The following SLF1 variants were observed in gnomAD, a reference collection of about 807,000 sequenced individuals.
SLF1 encodes the protein SMC5-SMC6 complex localization factor protein 1.
A neutral mutation model predicts 123.0 loss-of-function variants in SLF1; 105 were observed. The ratio of observed to expected loss-of-function variants is 0.85; its 90% CI spans 0.73 to 1.00. The LOEUF (loss-of-function observed/expected upper bound fraction) is 1.00, where lower values mean the gene tolerates loss of function less well. SLF1 is among the 50% of genes least tolerant of loss of function. The pLI is 0.00. For missense variants in SLF1, 1,239 were observed against 1,223.0 expected (o/e 1.01, Z -0.20); for synonymous variants, 434 against 406.6 (o/e 1.07, Z -0.81).
chr5:94,639,926 T>A (rs1161428320), intron 4 of SLF1, among the ~76,000 whole-genome samples: 1 of 152,158 alleles, frequency 6.6e-6, no homozygotes, highest in Non-Finnish European at 1.5e-5. Flanking sequence ...ACGGGTCAAC[T>A]GTATTTCCAT....
chr5:94,625,982 C>T (rs963794144), intron 1 of SLF1, among the ~76,000 whole-genome samples: 2 of 151,924 alleles, frequency 1.3e-5, no homozygotes, highest in African/African-American at 4.8e-5. Flanking sequence ...AGGTCGGGCG[C>T]GGTGGCTCAC....
chr5:94,626,749 TGCAGGACTACTACTG>T (rs1451122531), intron 1 of SLF1, among the ~76,000 whole-genome samples: 2 of 152,212 alleles, frequency 1.3e-5, no homozygotes, highest in Non-Finnish European at 2.9e-5. Flanking sequence ...ACACAGGCAG[TGCAGGACTACTACTG>T]GCAGCTCCTT....
Position 94,665,905 on chromosome 5 carries a change from A to G in SLF1, c.1413A>G (p.Ser471=), listed in dbSNP as rs1400827682. ...TFSGRYFHIL[S]ALLHLHPPWK... ...CTGGTCGATACTTTCATATATTGTC[A>G]GCTCTTCTTCACCTGCATCCTCCTT... Residue 471 remains serine (S), a synonymous_variant, in exon 12 of 21, where the codon TCA becomes TCG. Coordinates refer to ENST00000265140, the MANE Select transcript of SLF1 (RefSeq NM_032290.4). The G allele has an allele frequency of 1.3e-6, 2 of 1,549,934 alleles. No individual in the cohort carries two copies. The highest frequency in any genetic ancestry group is 2.7e-5 in the African/African-American group (2 of 73,004).
chr5:94,661,268 C>T (rs1749070491), intron 9 of SLF1, among the ~76,000 whole-genome samples: 1 of 152,152 alleles, frequency 6.6e-6, no homozygotes, highest in East Asian at 1.9e-4. Context: ...GAATGTGGAT[C>T]TGTGTAGATG....
chr5:94,674,542 C>A (rs942618004), intron 14 of SLF1, among the ~76,000 whole-genome samples: 6 of 152,136 alleles, frequency 3.9e-5, no homozygotes, highest in Admixed American at 2.6e-4. Context: ...ATCTTTTTGG[C>A]AGTTTCCAGT....
chr5:94,670,985 A>C lies in SLF1; in HGVS notation c.1804A>C (p.Lys602Gln), dbSNP rs756630284. 109 of 1,545,100 alleles carry C rather than the reference A, an allele frequency of 7.1e-5. No individual in the cohort carries two copies. Among genetic ancestry groups the C allele is most frequent in the Non-Finnish European group, 9.5e-5 (108 of 1,142,524 alleles). The change falls in exon 14 of 21, where the codon AAG (lysine) becomes CAG (glutamine). Residue 602 changes from lysine (K) to glutamine (Q), a missense_variant. Transcript: ENST00000265140. ...MLLEWTIYSH[K>Q]EKFKSNDVFK... ...TTTGGAATGGACTATATATTCTCAC[A>C]AGGAAAAATTCAAGTCTAATGATGT...
intron 15 of SLF1, among the ~76,000 whole-genome samples, chr5:94,685,242 A>G (rs993992293): frequency 2.6e-5 from 4 of 152,240 alleles, no homozygotes; most frequent in African/African-American, 9.6e-5. Flanking sequence ...TATGCCTTAT[A>G]CTGCTATTAA....
intron 5 of SLF1, among the ~76,000 whole-genome samples, chr5:94,645,068 G>A (rs1428916034): frequency 6.6e-6 from 1 of 152,146 alleles, no homozygotes; most frequent in African/African-American, 2.4e-5. Flanking sequence ...TTGGACTATG[G>A]ATAATCTCAT....
rs1188016636 is a variant in SLF1 at position 94,694,758 on chromosome 5, AAGG to A, written c.2696-70_2696-68del. 3 of 1,500,082 alleles carry A rather than the reference AAGG, an allele frequency of 2.0e-6. No individual in the cohort carries two copies. The African/African-American group carries it at 4.2e-5, about 21-fold the overall frequency. The allele number at this position is 1,500,082 out of a possible 1,614,324, so 92.9% of individuals were successfully genotyped here. A position where few individuals can be genotyped will look rare whatever the true frequency, so the allele number is the denominator to read the frequency against. ...AGAAAGCACTGGATGCTTTGGGAAAAAGGAGAAAAGAGCTGTTAAGCTGCCAAA... is the reference window on the plus strand; with the variant it reads ...AGAAAGCACTGGATGCTTTGGGAAAAAGAAAAGAGCTGTTAAGCTGCCAAA... On this transcript the variant is annotated intron_variant, in intron 20 of 20. Coordinates refer to ENST00000265140, the MANE Select transcript of SLF1 (RefSeq NM_032290.4).
chr5:94,676,159 A>C (rs1287282030), intron 14 of SLF1, among the ~76,000 whole-genome samples: 1 of 152,178 alleles, frequency 6.6e-6, no homozygotes, highest in East Asian at 1.9e-4. Flanking sequence ...TTATGTTGGA[A>C]GGAACATTTT....
intron 12 of SLF1, among the ~76,000 whole-genome samples, chr5:94,668,168 A>C (rs138505279): frequency 6.6e-6 from 1 of 151,156 alleles, no homozygotes; most frequent in South Asian, 2.1e-4. Context: ...TTCCTTTTCA[A>C]ATCTCACTGT....
At chr5:94,647,950 A>G (rs1183642329) in intron 5 of SLF1, among the ~76,000 whole-genome samples, 1 of 152,210 alleles carries the variant, frequency 6.6e-6, no homozygotes, top group Non-Finnish European at 1.5e-5. Context: ...AAGTAAATAT[A>G]TTCAGGATTA....
chr5:94,637,075 C>G (rs909752863), intron 4 of SLF1, among the ~76,000 whole-genome samples: 4 of 152,168 alleles, frequency 2.6e-5, no homozygotes, highest in Admixed American at 1.3e-4. Context: ...CTATAGCTCT[C>G]CATTCCTTTA....
chr5:94,684,422 G>C (rs2152495991), intron 15 of SLF1, among the ~76,000 whole-genome samples: 1 of 152,264 alleles, frequency 6.6e-6, no homozygotes, highest in Non-Finnish European at 1.5e-5. Flanking sequence ...ATCTCGGCCA[G>C]GTGCGGTGGG....
At position 94,670,232 on chromosome 5, in the gene SLF1, A is replaced by AT; in HGVS notation, c.1619dup (p.Phe541LeufsTer2). 6.6e-7 allele frequency: 1 copy of AT among 1,516,002 alleles called. No individual in the cohort carries two copies. Among genetic ancestry groups the AT allele is most frequent in the Non-Finnish European group, 8.8e-7 (1 of 1,134,586 alleles). The allele number at this position is 1,516,002 out of a possible 1,614,324, so 93.9% of individuals were successfully genotyped here. A position where few individuals can be genotyped will look rare whatever the true frequency, so the allele number is the denominator to read the frequency against. ...AGGTGCTCCACCTGACGCTACTCAA[A>AT]TTTTTCTTTAATTTAATTGAAAGTG... is the stretch of plus-strand genomic sequence containing the variant. On this transcript the variant is annotated frameshift_variant, in exon 13 of 21. Transcript: ENST00000265140. LOFTEE classifies it high-confidence loss of function.
At chr5:94,672,483 GTCC>G (rs746366167) in intron 14 of SLF1, among the ~76,000 whole-genome samples, 6 of 144,430 alleles carry the variant, frequency 4.2e-5, no homozygotes, top group Non-Finnish European at 9.0e-5. Flanking sequence ...CATTTCCCCT[GTCC>G]TCCTCTTTCT....
At chr5:94,623,613 G>T (rs1001453517) in intron 1 of SLF1, among the ~76,000 whole-genome samples, 8 of 151,780 alleles carry the variant, frequency 5.3e-5, no homozygotes, top group Non-Finnish European at 1.2e-4. Flanking sequence ...TTATATTATG[G>T]TATATTTACT....
chr5:94,662,795 G>A (rs1274615996), intron 10 of SLF1, among the ~76,000 whole-genome samples: 1 of 152,130 alleles, frequency 6.6e-6, no homozygotes, highest in African/African-American at 2.4e-5. Flanking sequence ...AATTAGGGAG[G>A]GAATCGGGCT....
At chr5:94,641,876 G>A (rs1256676440) in intron 4 of SLF1, among the ~76,000 whole-genome samples, 1 of 152,208 alleles carries the variant, frequency 6.6e-6, no homozygotes, top group Non-Finnish European at 1.5e-5. Context: ...CTGGGCAAGA[G>A]GGTTTCCGGC....
Sources: gnomAD v4.1 joint callset for allele counts (sites outside exome capture counted in the v4.1 genomes callset) on GRCh38, gnomAD v4.1.1 for gene constraint, MANE v1.5 for transcripts, NCBI Gene and HGNC (gene_info 2026-07-23, HGNC 2026-07-21) for gene names.